Variants in DRC8 observed in about 807,000 individuals in gnomAD.
DRC8 encodes the protein dynein regulatory complex protein 8.
At chr1:245,086,224 A>G in the DRC8 span, among the ~76,000 whole-genome samples, 2 of 152,228 alleles carry the variant, frequency 1.3e-5, no homozygotes, top group Admixed American at 6.5e-5. Context: ...CCTTCCACAT[A>G]TATGAACCAA....
At chr1:245,042,235 T>C in the DRC8 span, among the ~76,000 whole-genome samples, 2 of 152,192 alleles carry the variant, frequency 1.3e-5, no homozygotes, top group African/African-American at 2.4e-5. Flanking sequence ...CTCTGTAATA[T>C]CCAGTATTTT....
chr1:244,987,356 A>T, the DRC8 span, among the ~76,000 whole-genome samples: 1 of 151,856 alleles, frequency 6.6e-6, no homozygotes, highest in Non-Finnish European at 1.5e-5. Context: ...GTGCATCACC[A>T]CACCTGGCTA....
the DRC8 span, among the ~76,000 whole-genome samples, chr1:245,076,688 A>AT: frequency 2.0e-5 from 3 of 150,830 alleles, no homozygotes; most frequent in South Asian, 2.1e-4. Context: ...CAATTGCACC[A>AT]TTTTTTCTGC....
the DRC8 span, among the ~76,000 whole-genome samples, chr1:245,094,395 G>A: frequency 6.6e-6 from 1 of 152,074 alleles, no homozygotes; most frequent in African/African-American, 2.4e-5. Flanking sequence ...AATAACATCT[G>A]CAAATCCTTC....
the DRC8 span, among the ~76,000 whole-genome samples, chr1:245,079,733 C>T: frequency 6.6e-6 from 1 of 152,170 alleles, no homozygotes; most frequent in Non-Finnish European, 1.5e-5. Context: ...GGAAAAAAAC[C>T]ATTGCTCTTG....
At chr1:245,026,846 C>A in the DRC8 span, among the ~76,000 whole-genome samples, 1 of 152,186 alleles carries the variant, frequency 6.6e-6, no homozygotes, top group Non-Finnish European at 1.5e-5. Flanking sequence ...TTTATGAATA[C>A]AAATATATGC....
the DRC8 span, among the ~76,000 whole-genome samples, chr1:245,039,398 C>T: frequency 6.9e-6 from 1 of 145,494 alleles, no homozygotes; most frequent in Admixed American, 7.1e-5. Flanking sequence ...TTGCTTGAAC[C>T]CAGGAGCTCG....
At chr1:245,000,541 G>A in the DRC8 span, among the ~76,000 whole-genome samples, 25 of 152,110 alleles carry the variant, frequency 1.6e-4, no homozygotes, top group African/African-American at 5.3e-4. Flanking sequence ...CAGCACTTTG[G>A]GAGCCAAGGC....
the DRC8 span, chr1:245,015,709 C>CA: frequency 7.1e-3 from 1,409 of 199,690 alleles, no homozygotes; most frequent in South Asian, 0.01. Flanking sequence ...GACTCTGTCT[C>CA]AAAAAAAAAA....
At chr1:245,028,935 G>A in the DRC8 span, among the ~76,000 whole-genome samples, 1 of 152,126 alleles carries the variant, frequency 6.6e-6, no homozygotes, top group East Asian at 1.9e-4. Context: ...TTCATACTAT[G>A]GTATGATTCC....
the DRC8 span, among the ~76,000 whole-genome samples, chr1:245,048,589 C>G: frequency 6.6e-6 from 1 of 151,876 alleles, no homozygotes; most frequent in South Asian, 2.1e-4. Context: ...CCCTGAACTC[C>G]TGCACACTTT....
At chr1:245,020,952 C>G in the DRC8 span, among the ~76,000 whole-genome samples, 8 of 151,926 alleles carry the variant, frequency 5.3e-5, no homozygotes, top group Non-Finnish European at 1.2e-4. Flanking sequence ...TTTTCAAAGG[C>G]TACATGACGT....
chr1:244,992,459 C>A, the DRC8 span, among the ~76,000 whole-genome samples: 1 of 152,182 alleles, frequency 6.6e-6, no homozygotes, highest in East Asian at 1.9e-4. Flanking sequence ...AATTTGAAGG[C>A]TGGGCGCAGT....
At chr1:245,041,946 A>G in the DRC8 span, among the ~76,000 whole-genome samples, 4 of 152,144 alleles carry the variant, frequency 2.6e-5, no homozygotes, top group Non-Finnish European at 5.9e-5. Context: ...GAGAAAATCA[A>G]TTTCTGTGGT....
At chr1:245,003,312 G>A in the DRC8 span, among the ~76,000 whole-genome samples, 2 of 152,178 alleles carry the variant, frequency 1.3e-5, no homozygotes, top group African/African-American at 4.8e-5. Context: ...CTCAGAAGTG[G>A]AATTGCTAGA....
the DRC8 span, among the ~76,000 whole-genome samples, chr1:245,061,179 T>C: frequency 2.0e-5 from 3 of 152,242 alleles, no homozygotes; most frequent in Admixed American, 1.3e-4. Flanking sequence ...CCTTCAAAGC[T>C]TCGTTTCACA....
the DRC8 span, among the ~76,000 whole-genome samples, chr1:245,010,681 CTT>C: frequency 8.6e-5 from 11 of 127,208 alleles, no homozygotes; most frequent in Admixed American, 1.6e-4. Flanking sequence ...CTTTTTCTTT[CTT>C]TTTTTTTTTT....
At chr1:245,097,523 AAAAAAAAG>A in the DRC8 span, among the ~76,000 whole-genome samples, 1 of 152,012 alleles carries the variant, frequency 6.6e-6, no homozygotes, top group Non-Finnish European at 1.5e-5. This position sits in a 1 kb window ranked among gnomAD's most constrained non-coding sequence, Gnocchi z 5.0. Context: ...CTCTCAAAAA[AAAAAAAAG>A]AAAGAAAGAA....
At chr1:245,000,986 A>T in the DRC8 span, among the ~76,000 whole-genome samples, 1 of 152,078 alleles carries the variant, frequency 6.6e-6, no homozygotes, top group Non-Finnish European at 1.5e-5. Context: ...GGGGAAAAAA[A>T]ATCAGGGGAA....
Sources: gnomAD v4.1 joint callset for allele counts (sites outside exome capture counted in the v4.1 genomes callset) on GRCh38, gnomAD v4.1.1 for gene constraint, Gnocchi (gnomAD v3.1) non-coding constraint, MANE v1.5 for transcripts, NCBI Gene and HGNC (gene_info 2026-07-23, HGNC 2026-07-21) for gene names.